EPS15L1: variants seen among roughly 807,000 people sequenced by gnomAD.
EPS15L1 encodes the protein epidermal growth factor receptor pathway substrate 15 like 1.
A neutral mutation model predicts 117.1 loss-of-function variants in EPS15L1; 43 were observed. That is an observed-to-expected ratio of 0.37 (90% CI 0.29 to 0.47). The LOEUF (loss-of-function observed/expected upper bound fraction) is 0.47, where lower values mean the gene tolerates loss of function less well. Among genes scored for constraint, EPS15L1 ranks in the 20% least tolerant of loss-of-function variants. EPS15L1 has a pLI of 0.99. For synonymous variants in EPS15L1, 459 were observed against 470.5 expected (o/e 0.98, Z 0.32); for missense variants, 981 against 1,164.0 (o/e 0.84, Z 2.29).
At chr19:16,464,454 C>T (rs569280808) in intron 1 of EPS15L1, among the ~76,000 whole-genome samples, 18 of 152,308 alleles carry the variant, frequency 1.2e-4, no homozygotes, top group East Asian at 9.7e-4. Context: ...CCTGTCAGTT[C>T]GGCCGATTTG....
At chr19:16,430,972 C>A (rs1014265551) in intron 7 of EPS15L1, among the ~76,000 whole-genome samples, 1 of 152,172 alleles carries the variant, frequency 6.6e-6, no homozygotes, top group Non-Finnish European at 1.5e-5. Context: ...CAGTGGCTCA[C>A]GACTGTCATC....
At chr19:16,387,100 G>A (rs2092428172) in intron 19 of EPS15L1, among the ~76,000 whole-genome samples, 1 of 152,112 alleles carries the variant, frequency 6.6e-6, no homozygotes, top group African/African-American at 2.4e-5. Flanking sequence ...TGCTGAATGA[G>A]GAAAAGGAAA....
chr19:16,401,831 C>A, intron 16 of EPS15L1: 1 of 986,834 alleles, frequency 1.0e-6, no homozygotes, highest in African/African-American at 1.7e-5. Context: ...GAGCAACACC[C>A]TGGGGCGCTG....
intron 23 of EPS15L1, chr19:16,358,029 G>C: frequency 6.6e-6 from 1 of 152,504 alleles, no homozygotes; most frequent in East Asian, 1.9e-4. Flanking sequence ...GGACAGGGTG[G>C]GTGGGAGCTG....
chr19:16,393,855 T>G lies in EPS15L1; in HGVS notation c.1966+96A>C, dbSNP rs543609938. 3 of 1,221,072 alleles carry G rather than the reference T, an allele frequency of 2.5e-6. No homozygotes were observed. In the Admixed American group the frequency reaches 5.1e-5, roughly 21 times the overall value. 75.6% of individuals were successfully genotyped at this position (1,221,072 alleles called of 1,614,324 possible). A position where few individuals can be genotyped will look rare whatever the true frequency, so the allele number is the denominator to read the frequency against. On this transcript the variant is annotated intron_variant, in intron 18 of 23. Transcript: ENST00000455140. ...GTCCTTCCCAGTTACATGGCTGCCA[T>G]CCCCGGTGTATGTGGACACAAGTCC...
intron 1 of EPS15L1, among the ~76,000 whole-genome samples, chr19:16,469,577 T>C (rs1269298453): frequency 6.6e-6 from 1 of 152,004 alleles, no homozygotes; most frequent in Non-Finnish European, 1.5e-5. Flanking sequence ...CGAATTTACG[T>C]TGATATTCAG....
At chr19:16,421,019 C>T (rs1243267135) in intron 10 of EPS15L1, among the ~76,000 whole-genome samples, 3 of 152,262 alleles carry the variant, frequency 2.0e-5, no homozygotes, top group Non-Finnish European at 4.4e-5. Flanking sequence ...TTAGAGCCAG[C>T]ATCACAGCCA....
chr19:16,421,452 C>A lies in EPS15L1; in HGVS notation c.817G>T (p.Val273Leu), dbSNP rs778360158. 2 of 1,613,592 alleles carry A rather than the reference C, an allele frequency of 1.2e-6. No individual in the cohort carries two copies. Among genetic ancestry groups the A allele is most frequent in the Non-Finnish European group, 1.7e-6 (2 of 1,179,590 alleles). The part of the protein sequence containing the change: ...TQPTVNWVVP[V>L]ADKMRFDEIF... ...TCATCAAATCGCATCTTGTCTGCCA[C>A]GGGCACCACCCAGTTCACTGTTGGC... is the stretch of plus-strand genomic sequence containing the variant. The change falls in exon 10 of 24, where the codon GTG (valine) becomes TTG (leucine). Residue 273 changes from valine (V) to leucine (L), a missense_variant. By Grantham distance (32) the Val-to-Leu change is conservative (BLOSUM62 1). This residue lies in a region of EPS15L1 where 819 missense variants were observed against 949.0 expected (regional missense o/e 0.86). Transcript: ENST00000455140.
intron 1 of EPS15L1, among the ~76,000 whole-genome samples, chr19:16,446,984 A>G (rs554208798): frequency 1.3e-5 from 2 of 152,332 alleles, no homozygotes; most frequent in Admixed American, 1.3e-4. Flanking sequence ...TCCTACTTAG[A>G]AAAACATATG....
In EPS15L1 at chr19:16,392,460, A is replaced by ATAAG; in HGVS notation, c.1967-24_1967-21dup. Reference sequence around the variant, plus strand: ...ATGGATCTAGAAGGAAAAATGCCCCATAAGTAAACATTATACCAAGTGAAA... The same window carrying ATAAG: ...ATGGATCTAGAAGGAAAAATGCCCCATAAGTAAGTAAACATTATACCAAGTGAAA... On this transcript the variant is annotated intron_variant, in intron 18 of 23. Transcript: ENST00000455140. 6.2e-7 allele frequency: 1 copy of ATAAG among 1,611,490 alleles called. No individual in the cohort carries two copies.
chr19:16,358,825 G>C lies in EPS15L1; in HGVS notation c.2586+2954C>G, dbSNP rs185830241. 3.5e-3 allele frequency among the ~76,000 whole-genome samples: 532 copies of C among 152,276 alleles called. 3 individuals are homozygous for C. The highest frequency in any genetic ancestry group is 0.012 in the African/African-American group (506 of 41,542). On this transcript the variant is annotated intron_variant, in intron 23 of 23. Coordinates refer to ENST00000455140, the MANE Select transcript of EPS15L1 (RefSeq NM_001258374.3). ...TTGTATCCAACTCCTTCAATAATTC[G>C]AAGCACGGCCTAGCTGATCTGGTAT...
chr19:16,357,025 C>G (rs903697578), intron 23 of EPS15L1: 2 of 152,334 alleles, frequency 1.3e-5, no homozygotes, highest in African/African-American at 2.4e-5. Context: ...CCCCAGGCAC[C>G]CTTGGGAGCA....
At chr19:16,359,678 A>C (rs144235275) in intron 23 of EPS15L1, among the ~76,000 whole-genome samples, 1 of 152,120 alleles carries the variant, frequency 6.6e-6, no homozygotes, top group African/African-American at 2.4e-5. Context: ...CTGGGTAGTA[A>C]AGTGAGACCT....
chr19:16,391,708 C>G (rs1403157862), intron 19 of EPS15L1, among the ~76,000 whole-genome samples: 1 of 150,576 alleles, frequency 6.6e-6, no homozygotes, highest in East Asian at 1.9e-4. Context: ...TACCCGGTGT[C>G]TGCCACGCCC....
At position 16,383,865 on chromosome 19, in the gene EPS15L1, C is replaced by T. The variant is rs1256962625; in HGVS notation, c.2247+1264G>A. ...AGCCAAGGGAGACTGCCCAGTCACACTGGCACCTGGGGCACCTGGGCATGG... is the reference window on the plus strand; with the variant it reads ...AGCCAAGGGAGACTGCCCAGTCACATTGGCACCTGGGGCACCTGGGCATGG... On this transcript the variant is annotated intron_variant, in intron 21 of 23. Transcript: ENST00000455140. The surrounding 1 kb of genome is among the most constrained non-coding windows in gnomAD (Gnocchi z 5.2). 2.6e-5 allele frequency: 4 copies of T among 152,316 alleles called. No homozygotes were observed. The highest frequency in any genetic ancestry group is 2.6e-4 in the Admixed American group (4 of 15,292). 9.4% of individuals were successfully genotyped at this position (152,316 alleles called of 1,614,324 possible).
At chr19:16,378,671 G>C (rs78639980) in intron 21 of EPS15L1, among the ~76,000 whole-genome samples, 2 of 152,144 alleles carry the variant, frequency 1.3e-5, no homozygotes, top group Non-Finnish European at 2.9e-5. Flanking sequence ...CGCCACCTGG[G>C]GGGATGCTTG....
At position 16,437,686 on chromosome 19, in the gene EPS15L1, TACATGCACATACAC is replaced by T. The variant is rs539645063; in HGVS notation, c.309+70_309+83del. The T allele has an allele frequency of 3.2e-3, 2,864 of 901,214 alleles. 34 individuals carry two copies. The African/African-American group carries it at 0.038, about 12-fold the overall frequency. 55.8% of individuals were successfully genotyped at this position (901,214 alleles called of 1,614,324 possible). A position where few individuals can be genotyped will look rare whatever the true frequency, so the allele number is the denominator to read the frequency against. The stretch of plus-strand genomic sequence containing the variant: ...GAAGGCTAGAGAAAACATGGAAATA[TACATGCACATACAC>T]ACATGCACATACACACACACACACA... On this transcript the variant is annotated intron_variant, in intron 5 of 23. Coordinates refer to ENST00000455140, the MANE Select transcript of EPS15L1 (RefSeq NM_001258374.3).
chr19:16,423,295 A>G (rs896820115), intron 9 of EPS15L1, among the ~76,000 whole-genome samples: 1 of 152,156 alleles, frequency 6.6e-6, no homozygotes, highest in African/African-American at 2.4e-5. Context: ...GGCCAGGCAC[A>G]GTGCTCATGC....
At chr19:16,436,831 T>A in intron 6 of EPS15L1, 106 bp downstream of exon 6, 1 of 902,410 alleles carries the variant, frequency 1.1e-6, no homozygotes, top group Non-Finnish European at 1.7e-6. Context: ...TATAAAATGT[T>A]CTGAACAACA....
Sources: gnomAD v4.1 joint callset for allele counts (sites outside exome capture counted in the v4.1 genomes callset) on GRCh38, gnomAD v4.1.1 for gene constraint, gnomAD v4.1.1 regional missense constraint, Gnocchi (gnomAD v3.1) non-coding constraint, MANE v1.5 for transcripts, NCBI Gene and HGNC (gene_info 2026-07-23, HGNC 2026-07-21) for gene names.